Variants in GRM8 observed in about 807,000 individuals in gnomAD.
GRM8 encodes glutamate metabotropic receptor 8.
In GRM8, 47 loss-of-function variants were observed where a neutral mutation model predicts 87.2. The observed-to-expected ratio is 0.54, with a 90% CI of 0.43 to 0.69. The LOEUF is 0.69. GRM8 is among the 30% of genes least tolerant of loss of function. GRM8 has a pLI of 0.00. For missense variants in GRM8, 1,019 were observed against 1,139.2 expected (o/e 0.89, Z 1.52); for synonymous variants, 396 against 404.5 (o/e 0.98, Z 0.25).
intron 3 of GRM8, among the ~76,000 whole-genome samples, chr7:126,960,494 C>A (rs182101804): frequency 6.6e-6 from 1 of 152,248 alleles, no homozygotes; most frequent in Non-Finnish European, 1.5e-5. Flanking sequence ...AAAGACTATA[C>A]TATTCTTAGA....
At chr7:126,898,375 C>G (rs1801743681) in intron 6 of GRM8, among the ~76,000 whole-genome samples, 1 of 152,140 alleles carries the variant, frequency 6.6e-6, no homozygotes, top group Non-Finnish European at 1.5e-5. Context: ...CAAATATCTT[C>G]TCTTATCATC....
chr7:126,953,906 G>C (rs1341059537), intron 3 of GRM8, among the ~76,000 whole-genome samples: 2 of 152,084 alleles, frequency 1.3e-5, no homozygotes. Context: ...GACAACACCA[G>C]TAGTCATTCA....
chr7:126,623,967 A>T (rs1242911824), intron 7 of GRM8, among the ~76,000 whole-genome samples: 1 of 152,098 alleles, frequency 6.6e-6, no homozygotes, highest in Non-Finnish European at 1.5e-5. Flanking sequence ...AAAAGCTTAC[A>T]TCTAATGCAT....
intron 7 of GRM8, among the ~76,000 whole-genome samples, chr7:126,665,605 A>G (rs7779831): frequency 0.69 from 104,278 of 151,804 alleles, 36,687 homozygotes; most frequent in African/African-American, 0.85. Context: ...TACTAGAAGA[A>G]GGAAAGAAGG....
At chr7:126,937,734 C>G (rs566043331) in intron 3 of GRM8, among the ~76,000 whole-genome samples, 2 of 152,326 alleles carry the variant, frequency 1.3e-5, no homozygotes, top group African/African-American at 4.8e-5. Context: ...CCTCTTTTCC[C>G]TTTCCAAGTA....
At chr7:127,202,942 A>G (rs531974739) in intron 2 of GRM8, among the ~76,000 whole-genome samples, 2 of 152,296 alleles carry the variant, frequency 1.3e-5, no homozygotes, top group East Asian at 3.9e-4. Flanking sequence ...TTTTAGCTTG[A>G]TAAAGCCAGA....
rs1802584697 is a variant in GRM8, at chr7:126,643,110, G to T, written c.1358-33612C>A. Among the ~76,000 whole-genome samples, 4 of 150,948 alleles carry T rather than the reference G, an allele frequency of 2.6e-5. No individual in the cohort carries two copies. The South Asian group carries it at 8.4e-4, about 32-fold the overall frequency. ...ATTTGAGACCAGCCTGGGCAACATGGCAAGACCCGTCTCTACCAAAATACA... is the reference window on the plus strand; with the variant it reads ...ATTTGAGACCAGCCTGGGCAACATGTCAAGACCCGTCTCTACCAAAATACA... On this transcript the variant is annotated intron_variant, in intron 7 of 10. Transcript: ENST00000339582.
At chr7:126,763,466 T>C (rs1026982016) in intron 7 of GRM8, among the ~76,000 whole-genome samples, 48 of 82,616 alleles carry the variant, frequency 5.8e-4, no homozygotes, top group African/African-American at 1.8e-3. Flanking sequence ...TATATATATA[T>C]ATATATACAC....
intron 6 of GRM8, among the ~76,000 whole-genome samples, chr7:126,885,952 A>T (rs1264981667): frequency 6.6e-6 from 1 of 152,108 alleles, no homozygotes; most frequent in Admixed American, 6.6e-5. Flanking sequence ...TCTTTGTGGC[A>T]CTTGGCACAG....
intron 2 of GRM8, among the ~76,000 whole-genome samples, chr7:127,187,053 G>T (rs1160723853): frequency 6.6e-6 from 1 of 152,184 alleles, no homozygotes; most frequent in Non-Finnish European, 1.5e-5. Context: ...AGCAAGTGCT[G>T]CACAATTCAG....
chr7:126,596,038 C>A (rs529268787), intron 8 of GRM8, among the ~76,000 whole-genome samples: 1 of 152,098 alleles, frequency 6.6e-6, no homozygotes, highest in Non-Finnish European at 1.5e-5. Flanking sequence ...CCACAAGAAT[C>A]GCTTGAACCC....
At chr7:127,000,911 C>CT (rs1813668083) in intron 3 of GRM8, among the ~76,000 whole-genome samples, 1 of 151,506 alleles carries the variant, frequency 6.6e-6, no homozygotes, top group Admixed American at 6.6e-5. Context: ...CCCTAGGAGA[C>CT]TTTTTTATGA....
chr7:127,090,670 T>A (rs1823972165), intron 3 of GRM8, among the ~76,000 whole-genome samples: 1 of 151,894 alleles, frequency 6.6e-6, no homozygotes, highest in Non-Finnish European at 1.5e-5. Flanking sequence ...CTGTCCCTAA[T>A]TCTGATTCCC....
At chr7:126,593,608 T>G (rs1796892303) in intron 8 of GRM8, among the ~76,000 whole-genome samples, 1 of 152,016 alleles carries the variant, frequency 6.6e-6, no homozygotes. Context: ...TAAAATGGAT[T>G]AAATACTTAA....
At chr7:126,977,942 A>G (rs1195527320) in intron 3 of GRM8, among the ~76,000 whole-genome samples, 1 of 152,230 alleles carries the variant, frequency 6.6e-6, no homozygotes, top group East Asian at 1.9e-4. Flanking sequence ...GTATCCACAA[A>G]TGAAAAGTAA....
At chr7:126,872,986 A>T (rs1799230423) in intron 6 of GRM8, among the ~76,000 whole-genome samples, 1 of 152,148 alleles carries the variant, frequency 6.6e-6, no homozygotes, top group African/African-American at 2.4e-5. Flanking sequence ...TTTATTTTAT[A>T]TTAATAAAAA....
chr7:127,243,694 C>T (rs763730642), intron 1 of GRM8, among the ~76,000 whole-genome samples, 179 bp from the exon 2 acceptor site: 2 of 151,830 alleles, frequency 1.3e-5, no homozygotes, highest in African/African-American at 4.8e-5. Flanking sequence ...GGAGATTGAT[C>T]ATATTTTTGG....
At chr7:126,928,421 T>C (rs1351902965) in intron 3 of GRM8, among the ~76,000 whole-genome samples, 1 of 152,080 alleles carries the variant, frequency 6.6e-6, no homozygotes, top group Non-Finnish European at 1.5e-5. Flanking sequence ...CCTGTAATCC[T>C]AGCATTTTGG....
chr7:127,172,708 CAAA>C (rs61607299), intron 2 of GRM8, among the ~76,000 whole-genome samples: 3 of 131,060 alleles, frequency 2.3e-5, no homozygotes, highest in Admixed American at 8.1e-5. Context: ...GACTCCGTCT[CAAA>C]AAAAAAAAAA....
Sources: gnomAD v4.1 joint callset for allele counts (sites outside exome capture counted in the v4.1 genomes callset) on GRCh38, gnomAD v4.1.1 for gene constraint, MANE v1.5 for transcripts, NCBI Gene and HGNC (gene_info 2026-07-23, HGNC 2026-07-21) for gene names.